PADI4: variants seen among roughly 807,000 people sequenced by gnomAD.
The protein encoded by PADI4 is peptidyl arginine deiminase 4, also known as protein-arginine deiminase type-4.
Under a neutral mutation model 75.0 loss-of-function variants are expected in PADI4, and 62 were observed. The observed-to-expected ratio is 0.83, with a 90% CI of 0.67 to 1.02. PADI4 has a LOEUF of 1.02. Ranked by LOEUF, PADI4 falls within the 50% of genes least tolerant of loss-of-function variation. The pLI is 0.00. For missense variants in PADI4, 845 were observed against 850.5 expected, an observed-to-expected ratio of 0.99 and a Z score of 0.08; for synonymous variants, 361 against 348.1, an observed-to-expected ratio of 1.04 and a Z score of -0.41.
chr1:17,347,084 T>A (rs1468944701), intron 9 of PADI4, among the ~76,000 whole-genome samples: 1 of 152,074 alleles, frequency 6.6e-6, no homozygotes, highest in African/African-American at 2.4e-5. Context: ...ATTACAGGCA[T>A]GTGCCACCAC....
intron 1 of PADI4, among the ~76,000 whole-genome samples, chr1:17,325,617 A>G (rs1353800695): frequency 6.6e-6 from 1 of 151,208 alleles, no homozygotes; most frequent in African/African-American, 2.4e-5. Context: ...CACTCTTTAT[A>G]TCTTTTACTT....
At chr1:17,357,947 A>AAAG (rs796149170) in intron 13 of PADI4, among the ~76,000 whole-genome samples, 2 of 148,464 alleles carry the variant, frequency 1.3e-5, no homozygotes, top group African/African-American at 5.0e-5. Flanking sequence ...AAAAAAAAAA[A>AAAG]CAAGAAAATA....
chr1:17,323,186 T>TGC, intron 1 of PADI4, among the ~76,000 whole-genome samples: 1 of 152,224 alleles, frequency 6.6e-6, no homozygotes, highest in Non-Finnish European at 1.5e-5. Flanking sequence ...TCCTGCCACA[T>TGC]TGGCCTCTCC....
At chr1:17,313,944 A>T (rs1316032694) in intron 1 of PADI4, among the ~76,000 whole-genome samples, 1 of 152,222 alleles carries the variant, frequency 6.6e-6, no homozygotes, top group Non-Finnish European at 1.5e-5. Context: ...AGCTGAGAAC[A>T]TCTGGAACAC....
At chr1:17,333,342 T>C (rs996671100) in intron 2 of PADI4, among the ~76,000 whole-genome samples, 6 of 151,994 alleles carry the variant, frequency 3.9e-5, no homozygotes, top group Non-Finnish European at 8.8e-5. Flanking sequence ...TGGCTCTGCT[T>C]TGGAAACTCC....
intron 15 of PADI4, among the ~76,000 whole-genome samples, chr1:17,361,553 A>G (rs1214859610): frequency 6.6e-6 from 1 of 152,230 alleles, no homozygotes; most frequent in Non-Finnish European, 1.5e-5. Flanking sequence ...CTCATGACCC[A>G]TGGAAAATGG....
intron 2 of PADI4, among the ~76,000 whole-genome samples, chr1:17,332,102 T>C (rs1219289691): frequency 6.6e-6 from 1 of 152,114 alleles, no homozygotes; most frequent in Non-Finnish European, 1.5e-5. Flanking sequence ...GTCTGATCTG[T>C]GGCTGTCTCA....
At chr1:17,354,831 A>C (rs2074732822) in intron 11 of PADI4, 144 bp downstream of exon 11, 1 of 783,678 alleles carries the variant, frequency 1.3e-6, no homozygotes, top group African/African-American at 1.8e-5. Context: ...ATCCAAGCGC[A>C]GGGTGAGGAA....
At chr1:17,343,031 CA>C (rs1294334124) in intron 8 of PADI4, among the ~76,000 whole-genome samples, 1 of 151,486 alleles carries the variant, frequency 6.6e-6, no homozygotes, top group African/African-American at 2.4e-5. Context: ...ACTAAAAATA[CA>C]AAAAATTAGC....
intron 6 of PADI4, 43 bp from the exon 7 acceptor site, chr1:17,341,900 G>A: frequency 6.6e-7 from 1 of 1,510,530 alleles, no homozygotes; most frequent in Non-Finnish European, 9.1e-7. Context: ...AAAGTCTTCA[G>A]AAGTGGGGAC....
chr1:17,347,228 C>T (rs367835368), intron 9 of PADI4, among the ~76,000 whole-genome samples: 1 of 152,186 alleles, frequency 6.6e-6, no homozygotes, highest in Non-Finnish European at 1.5e-5. Flanking sequence ...TGAGTTACTG[C>T]ACCTGGCCGC....
chr1:17,331,080 G>T lies in PADI4; in HGVS notation c.204G>T (p.Trp68Cys). Residue 68 changes from tryptophan to cysteine, a missense_variant, in exon 2 of 16, where the codon TGG (tryptophan) becomes TGT (cysteine). Trp to Cys is a radical substitution (Grantham distance 215). Coordinates refer to ENST00000375448, the MANE Select transcript of PADI4 (RefSeq NM_012387.3). ...AKKKSTGSST[W>C]PLDPGVEVTL... ...AGAAATCCACAGGTTCCTCCACATGGCCCCTGGACCCTGGGGTAGAGGTGA... is the reference window on the plus strand; with the variant it reads ...AGAAATCCACAGGTTCCTCCACATGTCCCCTGGACCCTGGGGTAGAGGTGA... 1 of 1,612,198 alleles carries T rather than the reference G, an allele frequency of 6.2e-7. No homozygotes were observed. The highest frequency in any genetic ancestry group is 1.1e-5 in the South Asian group (1 of 90,726).
chr1:17,354,533 G>T lies in PADI4; in HGVS notation c.1156G>T (p.Gly386Cys). The change falls in exon 11 of 16, where the codon GGT becomes TGT. Residue 386 changes from glycine (G) to cysteine (C), a missense_variant and splice_region_variant. Transcript: ENST00000375448. ...TTGGCACTCCCTTCTCCTATCTCAGGGTCCAGATTTTGGCTATGTAACTCG... is the reference window on the plus strand; with the variant it reads ...TTGGCACTCCCTTCTCCTATCTCAGTGTCCAGATTTTGGCTATGTAACTCG... The part of the protein sequence containing the change: ...LKEFPIKRVM[G>C]PDFGYVTRGP... The T allele has an allele frequency of 6.2e-7, 1 of 1,614,020 alleles. No individual in the cohort carries two copies. The highest frequency in any genetic ancestry group is 8.5e-7 in the Non-Finnish European group (1 of 1,179,956).
In PADI4 at chr1:17,331,071, C is replaced by T; in HGVS notation, c.195C>T (p.Ser65=). The T allele has an allele frequency of 6.2e-7, 1 of 1,611,608 alleles. No homozygotes were observed. The highest frequency in any genetic ancestry group is 1.3e-5 in the African/African-American group (1 of 74,934). The part of the protein sequence containing the change: ...GPPAKKKSTG[S]STWPLDPGVE... The stretch of plus-strand genomic sequence containing the variant: ...CAGCCAAGAAGAAATCCACAGGTTC[C>T]TCCACATGGCCCCTGGACCCTGGGG... The change falls in exon 2 of 16, where the codon TCC becomes TCT. Residue 65 remains serine (S), a synonymous_variant. Transcript: ENST00000375448.
At chr1:17,342,456 C>A in intron 8 of PADI4, 54 bp downstream of exon 8, 1 of 1,048,210 alleles carries the variant, frequency 9.5e-7, no homozygotes, top group South Asian at 1.3e-5. Context: ...GCCTGAGTTC[C>A]ATCCGCAGCA....
At chr1:17,333,291 G>T in intron 2 of PADI4, among the ~76,000 whole-genome samples, 1 of 152,122 alleles carries the variant, frequency 6.6e-6, no homozygotes, top group Middle Eastern at 3.4e-3. Context: ...GCACCTCCGC[G>T]TGGCCCCTCA....
At position 17,350,827 on chromosome 1, in the gene PADI4, C is replaced by G. The variant is rs1235655567; in HGVS notation, c.1155+2779C>G. On this transcript the variant is annotated intron_variant, in intron 10 of 15. Transcript: ENST00000375448. The stretch of plus-strand genomic sequence containing the variant: ...ACCTCACGGAGGGGACGTTCTGGCC[C>G]AGAGAGACAGACAGCAGACAATGAA... 4.6e-5 allele frequency among the ~76,000 whole-genome samples: 6 copies of G among 129,150 alleles called. 2 individuals carry two copies. The highest frequency in any genetic ancestry group is 8.8e-5 in the Non-Finnish European group (5 of 57,082). 84.7% of individuals were successfully genotyped at this position (129,150 alleles called of 152,430 possible). A position where few individuals can be genotyped will look rare whatever the true frequency, so the allele number is the denominator to read the frequency against.
chr1:17,353,212 C>T (rs1437251385), intron 10 of PADI4, among the ~76,000 whole-genome samples: 1 of 151,978 alleles, frequency 6.6e-6, no homozygotes, highest in Non-Finnish European at 1.5e-5. Context: ...ACCTATAATC[C>T]CAACACTCTA....
rs918098709 is a variant in PADI4, at chr1:17,360,916, C to T, written c.1758+1508C>T. Among the ~76,000 whole-genome samples, 3 of 146,824 alleles carry T rather than the reference C, an allele frequency of 2.0e-5. No homozygotes were observed. The East Asian group carries it at 6.3e-4, about 31-fold the overall frequency. On this transcript the variant is annotated intron_variant, in intron 15 of 15. Coordinates refer to ENST00000375448, the MANE Select transcript of PADI4 (RefSeq NM_012387.3). ...TCCCACCTTTGTCTTGAGCGTTCAC[C>T]GTGGCCCCTAAGTGCTGTCTTGATA...
Sources: gnomAD v4.1 joint callset for allele counts (sites outside exome capture counted in the v4.1 genomes callset) on GRCh38, gnomAD v4.1.1 for gene constraint, MANE v1.5 for transcripts, NCBI Gene and HGNC (gene_info 2026-07-23, HGNC 2026-07-21) for gene names.